The following ZNF783 variants were observed in gnomAD, a reference collection of about 807,000 sequenced individuals.
ZNF783 encodes protein ZNF783.
A neutral mutation model predicts 31.3 loss-of-function variants in ZNF783; 25 were observed. The ratio of observed to expected loss-of-function variants is 0.80; its 90% CI spans 0.58 to 1.11. The LOEUF is 1.11. ZNF783 is among the 50% of genes most tolerant of loss of function. The pLI is 0.00. For missense variants in ZNF783, 797 were observed against 760.0 expected, an observed-to-expected ratio of 1.05 and a Z score of -0.57; for synonymous variants, 369 against 319.1, an observed-to-expected ratio of 1.16 and a Z score of -1.66.
rs564375995 is a variant in ZNF783, at chr7:149,281,908, C to T, written c.1206C>T (p.Pro402=). The T allele has an allele frequency of 2.6e-6, 4 of 1,524,358 alleles. No homozygotes were observed. Among genetic ancestry groups the T allele is most frequent in the African/African-American group, 1.4e-5 (1 of 72,310 alleles). The allele number at this position is 1,524,358 out of a possible 1,614,324, so 94.4% of individuals were successfully genotyped here. A position where few individuals can be genotyped will look rare whatever the true frequency, so the allele number is the denominator to read the frequency against. Residue 402 remains proline, a synonymous_variant, in exon 6 of 6, where the codon CCC becomes CCT. Transcript: ENST00000434415. ...TGGAGCCGGGGGAGGTGGTGGTACC[C>T]GGCCCTGTCATCCGCTGGCTCCCCG... ...AMLEPGEVVV[P]GPVIRWLPEE...
intron 4 of ZNF783, among the ~76,000 whole-genome samples, chr7:149,274,392 G>T (rs1052028651): frequency 8.9e-5 from 13 of 146,774 alleles, no homozygotes; most frequent in African/African-American, 3.3e-4. Context: ...TTGAGACGGA[G>T]TCTCACTCTG....
intron 4 of ZNF783, among the ~76,000 whole-genome samples, chr7:149,270,303 A>G (rs1406500574): frequency 3.9e-4 from 59 of 151,966 alleles, no homozygotes; most frequent in Non-Finnish European, 5.9e-5. Flanking sequence ...TAATTTTTGT[A>G]TTTTTTCGTA....
chr7:149,271,969 A>T (rs1797219648), intron 4 of ZNF783, among the ~76,000 whole-genome samples: 1 of 152,200 alleles, frequency 6.6e-6, no homozygotes, highest in Non-Finnish European at 1.5e-5. Context: ...TGCAGGGAGT[A>T]CGTTGTGCAT....
At chr7:149,262,900 TAAA>T (rs1796968504) in intron 1 of ZNF783, among the ~76,000 whole-genome samples, 1 of 152,164 alleles carries the variant, frequency 6.6e-6, no homozygotes, top group Admixed American at 6.5e-5. Flanking sequence ...TAGATTTTTT[TAAA>T]AAAGATTACT....
At chr7:149,269,441 A>G (rs1424065009) in intron 4 of ZNF783, among the ~76,000 whole-genome samples, 1 of 152,078 alleles carries the variant, frequency 6.6e-6, no homozygotes, top group Non-Finnish European at 1.5e-5. Context: ...CCACTTGTCA[A>G]TTTTTGTTTT....
In ZNF783 at chr7:149,262,198, G is replaced by C. The variant is rs950752714; in HGVS notation, c.-136G>C. ...AGGGCCAGCGGGGCACGTGGCTCGG[G>C]ACGCAGTTCGCTGCCGCCCGGCAGT... On this transcript the variant is annotated 5_prime_UTR_variant, in exon 1 of 6. Coordinates refer to ENST00000434415, the MANE Select transcript of ZNF783 (RefSeq NM_001195220.2). 5.4e-5 allele frequency: 41 copies of C among 752,604 alleles called. No individual in the cohort carries two copies. Among genetic ancestry groups the C allele is most frequent in the Non-Finnish European group, 7.1e-5 (39 of 547,504 alleles). 46.6% of individuals were successfully genotyped at this position (752,604 alleles called of 1,614,324 possible). A position where few individuals can be genotyped will look rare whatever the true frequency, so the allele number is the denominator to read the frequency against.
intron 1 of ZNF783, 98 bp from the exon 2 acceptor site, chr7:149,266,237 T>C: frequency 1.4e-6 from 2 of 1,393,914 alleles, no homozygotes; most frequent in Middle Eastern, 2.3e-4. Flanking sequence ...CAGATGGGAC[T>C]TTACCATGGC....
At chr7:149,272,046 C>T (rs955510384) in intron 4 of ZNF783, among the ~76,000 whole-genome samples, 4 of 152,100 alleles carry the variant, frequency 2.6e-5, no homozygotes, top group Non-Finnish European at 5.9e-5. Flanking sequence ...AGGAGTCTCA[C>T]TCACTCTGTT....
At chr7:149,265,760 A>C (rs1431181331) in intron 1 of ZNF783, among the ~76,000 whole-genome samples, 1 of 152,246 alleles carries the variant, frequency 6.6e-6, no homozygotes, top group African/African-American at 2.4e-5. Flanking sequence ...TACACATTGT[A>C]CTAAGTGCTT....
intron 1 of ZNF783, among the ~76,000 whole-genome samples, chr7:149,263,622 C>T (rs966135304): frequency 3.9e-5 from 6 of 151,962 alleles, no homozygotes; most frequent in African/African-American, 1.5e-4. Flanking sequence ...TTGGCATCTT[C>T]ATCTATATAA....
intron 4 of ZNF783, chr7:149,276,715 G>A (rs980309208): frequency 1.3e-5 from 10 of 765,092 alleles, no homozygotes; most frequent in Non-Finnish European, 1.6e-5. Flanking sequence ...CCGTTGCCCA[G>A]GTTGGAATGC....
rs553213696 is a variant in ZNF783, at chr7:149,283,842, A to G, written c.*1499A>G. The G allele has an allele frequency of 3.3e-5, 5 of 152,278 alleles. No individual in the cohort carries two copies. The highest frequency in any genetic ancestry group is 1.2e-4 in the African/African-American group (5 of 41,538). 9.4% of individuals were successfully genotyped at this position (152,278 alleles called of 1,614,324 possible). On this transcript the variant is annotated 3_prime_UTR_variant, in exon 6 of 6. Coordinates refer to ENST00000434415, the MANE Select transcript of ZNF783 (RefSeq NM_001195220.2). ...GAAGCCTAGCTTTGTGCTTCCTTTCAAATTCAGGGCCTCCTTTCTACTCCA... is the reference window on the plus strand; with the variant it reads ...GAAGCCTAGCTTTGTGCTTCCTTTCGAATTCAGGGCCTCCTTTCTACTCCA...
chr7:149,278,456 T>G lies in ZNF783; in HGVS notation c.731T>G (p.Leu244Arg), dbSNP rs761141396. 2.8e-5 allele frequency: 45 copies of G among 1,598,812 alleles called. 1 individual carries two copies. The South Asian group carries it at 4.7e-4, about 17-fold the overall frequency. ...TSPLSPAQEE[L>R]KEGQAPKQQQ... ...CCACTTAGCCCTGCCCAGGAGGAGC[T>G]GAAAGAAGGGCAGGCCCCCAAGCAG... Residue 244 changes from leucine to arginine, a missense_variant, in exon 5 of 6, where the codon CTG (leucine) becomes CGG (arginine). Leu to Arg is a moderately radical substitution (Grantham distance 102). Transcript: ENST00000434415.
chr7:149,266,342 A>G lies in ZNF783; in HGVS notation c.32A>G (p.Glu11Gly), dbSNP rs1797063387. The G allele has an allele frequency of 6.4e-7, 1 of 1,573,176 alleles. No homozygotes were observed. Among genetic ancestry groups the G allele is most frequent in the Admixed American group, 1.8e-5 (1 of 54,756 alleles). The change falls in exon 2 of 6, where the codon GAG (glutamate) becomes GGG (glycine). Residue 11 changes from glutamate (E) to glycine (G), a missense_variant. Transcript: ENST00000434415. Reference sequence around the variant, plus strand: ...TTCTCTTCTTGTGAGCAGGACCCCGAGACAGACAAGCACACAGAGGACCAG... The same window carrying G: ...TTCTCTTCTTGTGAGCAGGACCCCGGGACAGACAAGCACACAGAGGACCAG... MAEAAPARDPETDKHTEDQSP... is the reference protein window; with the variant it reads MAEAAPARDPGTDKHTEDQSP...
At chr7:149,263,588 G>A (rs2129524678) in intron 1 of ZNF783, among the ~76,000 whole-genome samples, 1 of 152,148 alleles carries the variant, frequency 6.6e-6, no homozygotes, top group South Asian at 2.1e-4. Flanking sequence ...TTCTCCTGGA[G>A]AAGGAAGAAT....
At position 149,281,553 on chromosome 7, in the gene ZNF783, C is replaced by G. The variant is rs770404088; in HGVS notation, c.851C>G (p.Thr284Arg). The change falls in exon 6 of 6, where the codon ACG becomes AGG. Residue 284 changes from threonine (T) to arginine (R), a missense_variant. Transcript: ENST00000434415. The stretch of plus-strand genomic sequence containing the variant: ...GAGGCACAGTCTGAAGACGAGATGA[C>G]GCCTGAGCGGCTCTTTCTGGGGGTG... ...KTEAQSEDEMTPERLFLGVSR... is the reference protein window; with the variant it reads ...KTEAQSEDEMRPERLFLGVSR... 1.3e-6 allele frequency: 2 copies of G among 1,485,672 alleles called. No individual in the cohort carries two copies. Among genetic ancestry groups the G allele is most frequent in the Non-Finnish European group, 1.8e-6 (2 of 1,131,108 alleles). 92.0% of individuals were successfully genotyped at this position (1,485,672 alleles called of 1,614,324 possible).
intron 4 of ZNF783, 147 bp downstream of exon 4, chr7:149,267,369 C>G (rs1401015646): frequency 1.8e-6 from 2 of 1,131,044 alleles, no homozygotes; most frequent in Non-Finnish European, 2.4e-6. Context: ...TACAAGGCCA[C>G]CCTGGGCAGG....
In ZNF783 at chr7:149,282,101, G is replaced by A. The variant is rs950856005; in HGVS notation, c.1399G>A (p.Ala467Thr). 8.1e-6 allele frequency: 13 copies of A among 1,597,188 alleles called. No individual in the cohort carries two copies. The highest frequency in any genetic ancestry group is 2.7e-5 in the African/African-American group (2 of 74,862). The change falls in exon 6 of 6, where the codon GCC (alanine) becomes ACC (threonine). Residue 467 changes from alanine to threonine, a missense_variant. By Grantham distance (58) the Ala-to-Thr change is moderately conservative. Transcript: ENST00000434415. Reference protein sequence around the residue: ...LHTGNGQGWPACPYCGKAFRR... With the variant: ...LHTGNGQGWPTCPYCGKAFRR... ...CACCGGCAATGGCCAGGGCTGGCCC[G>A]CCTGCCCCTACTGCGGCAAGGCCTT...
chr7:149,263,865 GCTT>G (rs1418563240), intron 1 of ZNF783, among the ~76,000 whole-genome samples: 1 of 152,172 alleles, frequency 6.6e-6, no homozygotes, highest in Non-Finnish European at 1.5e-5. Flanking sequence ...AGTGTGCTGA[GCTT>G]CTTTTTGGGT....
Sources: allele counts gnomAD v4.1 joint callset (sites outside exome capture counted in the v4.1 genomes callset), GRCh38; gene constraint gnomAD v4.1.1; transcripts MANE v1.5; gene names NCBI Gene and HGNC (gene_info 2026-07-23, HGNC 2026-07-21).